The following TRMT13 variants were observed in gnomAD, a reference collection of about 807,000 sequenced individuals.
TRMT13 encodes tRNA methyltransferase 13.
Under a neutral mutation model 55.9 loss-of-function variants are expected in TRMT13, and 45 were observed. The observed-to-expected ratio is 0.80, with a 90% CI of 0.63 to 1.03. The LOEUF (loss-of-function observed/expected upper bound fraction) is 1.03, where lower values mean the gene tolerates loss of function less well. TRMT13 is among the 50% of genes least tolerant of loss of function. TRMT13 has a pLI of 0.00. For missense variants in TRMT13, 513 were observed against 563.9 expected (o/e 0.91, Z 0.91); for synonymous variants, 183 against 196.3 (o/e 0.93, Z 0.57).
intron 3 of TRMT13, among the ~76,000 whole-genome samples, chr1:100,138,962 G>A (rs1192471891): frequency 6.6e-6 from 1 of 152,062 alleles, no homozygotes; most frequent in East Asian, 1.9e-4. Flanking sequence ...ATGTGTGTTT[G>A]TTTGTTTCTT....
intron 7 of TRMT13, 36 bp from the exon 8 acceptor site, chr1:100,143,101 A>G (rs756318383): frequency 7.2e-7 from 1 of 1,394,654 alleles, no homozygotes; most frequent in Admixed American, 1.9e-5. Context: ...TTTAAATGTA[A>G]GAAGTGATTA....
Position 100,148,949 on chromosome 1 carries a change from A to G in TRMT13, c.*129A>G. On this transcript the variant is annotated 3_prime_UTR_variant, in exon 11 of 11. Transcript: ENST00000370141. ...TTTAAAAAATGCTGTGGCCTCATTA[A>G]ACTTTGGTAATAGCTTTTCTTTTTA... 2.4e-6 allele frequency: 3 copies of G among 1,253,130 alleles called. No homozygotes were observed. Among genetic ancestry groups the G allele is most frequent in the Non-Finnish European group, 3.2e-6 (3 of 936,910 alleles). 77.6% of individuals were successfully genotyped at this position (1,253,130 alleles called of 1,614,324 possible).
intron 1 of TRMT13, among the ~76,000 whole-genome samples, chr1:100,135,161 C>T (rs1329533461): frequency 1.3e-5 from 2 of 152,130 alleles, no homozygotes; most frequent in African/African-American, 2.4e-5. Context: ...CACTCACCCC[C>T]TCAAAAGAAT....
chr1:100,140,788 T>A (rs1375551861), intron 6 of TRMT13, 64 bp from the exon 7 acceptor site: 2 of 1,454,256 alleles, frequency 1.4e-6, no homozygotes, highest in Non-Finnish European at 1.9e-6. Flanking sequence ...ATTACCTTGC[T>A]GTTTTCCCAT....
rs150051272 is a variant in TRMT13 at position 100,149,271 on chromosome 1, C to A, written c.*451C>A. 3.0e-4 allele frequency: 455 copies of A among 1,517,614 alleles called. 5 individuals are homozygous for A. The African/African-American group carries it at 5.6e-3, about 19-fold the overall frequency. 94.0% of individuals were successfully genotyped at this position (1,517,614 alleles called of 1,614,324 possible). On this transcript the variant is annotated 3_prime_UTR_variant, in exon 11 of 11. Transcript: ENST00000370141. ...ATTTGACTTATATGTGGACATTTTT[C>A]CCTACAGATCTGGAAAGCACAATTG...
intron 3 of TRMT13, among the ~76,000 whole-genome samples, chr1:100,138,807 A>C (rs896190219): frequency 6.6e-6 from 1 of 152,270 alleles, no homozygotes; most frequent in Admixed American, 6.5e-5. Context: ...TTTCTCAGTC[A>C]CACTAGTCAT....
chr1:100,143,009 T>G, intron 7 of TRMT13, 128 bp from the exon 8 acceptor site: 3 of 605,602 alleles, frequency 5.0e-6, no homozygotes, highest in Non-Finnish European at 8.6e-6. Flanking sequence ...CATCAAAGAA[T>G]GTACAATCTT....
chr1:100,144,424 G>A (rs1656982089), intron 9 of TRMT13: 1 of 233,592 alleles, frequency 4.3e-6, no homozygotes, highest in East Asian at 9.5e-5. Context: ...AGGAAAATAA[G>A]ACCATTTATG....
At chr1:100,147,053 T>C (rs1301576563) in intron 9 of TRMT13, among the ~76,000 whole-genome samples, 1 of 152,202 alleles carries the variant, frequency 6.6e-6, no homozygotes, top group Non-Finnish European at 1.5e-5. Flanking sequence ...TTTTAAAATA[T>C]GTATATGTTT....
At chr1:100,146,817 T>G (rs1657326509) in intron 9 of TRMT13, among the ~76,000 whole-genome samples, 1 of 152,232 alleles carries the variant, frequency 6.6e-6, no homozygotes, top group South Asian at 2.1e-4. Context: ...ATTTATCTGG[T>G]TATTCACATT....
At chr1:100,139,361 A>T (rs1167398330) in intron 3 of TRMT13, among the ~76,000 whole-genome samples, 1 of 152,210 alleles carries the variant, frequency 6.6e-6, no homozygotes, top group African/African-American at 2.4e-5. Context: ...GTTACAAATG[A>T]ATTTCTTTAA....
intron 9 of TRMT13, among the ~76,000 whole-genome samples, chr1:100,146,660 C>A (rs1402953732): frequency 6.6e-6 from 1 of 152,170 alleles, no homozygotes; most frequent in Non-Finnish European, 1.5e-5. Flanking sequence ...CTCGTGCCAC[C>A]ACGCCCGGCT....
rs79184268 is a variant in TRMT13, at chr1:100,143,186, T to C, written c.719T>C (p.Ile240Thr). ...KKNSVFERLQ[I>T]DIQHLCLNKI... is the part of the protein sequence containing the mutation. ...AATTCAGTGTTTGAAAGACTTCAAA[T>C]TGATATTCAACACTTGTGTTTGAGT... is the stretch of plus-strand genomic sequence containing the variant. Residue 240 changes from isoleucine to threonine, a missense_variant, in exon 8 of 11, where the codon ATT (isoleucine) becomes ACT (threonine). By Grantham distance (89) the Ile-to-Thr change is moderately conservative. Transcript: ENST00000370141. The C allele has an allele frequency of 1.9e-6, 3 of 1,609,074 alleles. No individual in the cohort carries two copies. The highest frequency in any genetic ancestry group is 1.7e-5 in the Admixed American group (1 of 59,756).
In TRMT13 at chr1:100,140,998, A is replaced by G. The variant is rs80105468; in HGVS notation, c.648A>G (p.Glu216=). The change falls in exon 7 of 11, where the codon GAA becomes GAG. Residue 216 remains glutamate, a synonymous_variant. Transcript: ENST00000370141. ...AAAAAGTTCACTTCATCCTAGTGGA[A>G]AAGGTGACCACAAGATTCAAGGTAA... ...DAEKVHFILV[E]KVTTRFKVDG... The G allele has an allele frequency of 1.4e-3, 2,180 of 1,612,768 alleles. 3 individuals carry two copies. The highest frequency in any genetic ancestry group is 1.7e-3 in the Non-Finnish European group (2,043 of 1,179,272).
At position 100,149,470 on chromosome 1, in the gene TRMT13, T is replaced by C; in HGVS notation, c.*650T>C. The C allele has an allele frequency of 6.6e-7, 1 of 1,523,076 alleles. No homozygotes were observed. The highest frequency in any genetic ancestry group is 8.8e-7 in the Non-Finnish European group (1 of 1,134,426). 94.3% of individuals were successfully genotyped at this position (1,523,076 alleles called of 1,614,324 possible). ...AAGAAAAAAGATTATTTCACTTAAT[T>C]ATTTTGTTGGATAATTGTCTAGTTA... On this transcript the variant is annotated 3_prime_UTR_variant, in exon 11 of 11. Transcript: ENST00000370141.
intron 7 of TRMT13, 60 bp downstream of exon 7, chr1:100,141,079 G>C: frequency 7.2e-7 from 1 of 1,397,050 alleles, no homozygotes. Context: ...TTGTATTCAG[G>C]AAAAAAGTGA....
chr1:100,148,694 C>A lies in TRMT13; in HGVS notation c.1320C>A (p.Ile440=). 1 of 1,613,178 alleles carries A rather than the reference C, an allele frequency of 6.2e-7. No homozygotes were observed. Among genetic ancestry groups the A allele is most frequent in the Non-Finnish European group, 8.5e-7 (1 of 1,179,730 alleles). Residue 440 remains isoleucine, a synonymous_variant, in exon 11 of 11, where the codon ATC becomes ATA. Coordinates refer to ENST00000370141, the MANE Select transcript of TRMT13 (RefSeq NM_019083.3). ...AATTGCTGATTGACCAAGGTCGAAT[C>A]CAGTATTTGCAGCAGAAGGGATTCA... ...LCKLLIDQGR[I]QYLQQKGFSP...
intron 1 of TRMT13, among the ~76,000 whole-genome samples, chr1:100,133,597 C>T (rs1557902208): frequency 6.6e-6 from 1 of 152,100 alleles, no homozygotes; most frequent in Non-Finnish European, 1.5e-5. Context: ...TTAATTTTTA[C>T]CCCAAGCTAC....
Position 100,148,086 on chromosome 1 carries a change from A to T in TRMT13, c.1010A>T (p.His337Leu). ...VAGIVIALCC[H>L]HRCDWRHYVG... ...GGCATTGTTATTGCACTCTGTTGTC[A>T]CCACAGGTGTGATTGGAGACATTAT... The change falls in exon 10 of 11, where the codon CAC becomes CTC. Residue 337 changes from histidine to leucine, a missense_variant. Transcript: ENST00000370141. 1.2e-6 allele frequency: 2 copies of T among 1,614,214 alleles called. No homozygotes were observed. Among genetic ancestry groups the T allele is most frequent in the Non-Finnish European group, 1.7e-6 (2 of 1,180,030 alleles).
Sources: gnomAD v4.1 joint callset for allele counts (sites outside exome capture counted in the v4.1 genomes callset) on GRCh38, gnomAD v4.1.1 for gene constraint, MANE v1.5 for transcripts, NCBI Gene and HGNC (gene_info 2026-07-23, HGNC 2026-07-21) for gene names.